Variants in CCND3 observed in about 807,000 individuals in gnomAD.
CCND3 encodes the protein G1/S-specific cyclin-D3.
A neutral mutation model predicts 28.7 loss-of-function variants in CCND3; 9 were observed. The ratio of observed to expected loss-of-function variants is 0.31; its 90% CI spans 0.19 to 0.55. The LOEUF is 0.55. CCND3 is among the 20% of genes least tolerant of loss of function. The pLI, the probability that CCND3 is intolerant of heterozygous loss-of-function variation, is 0.93. For missense variants in CCND3, 315 were observed against 385.8 expected, an observed-to-expected ratio of 0.82 and a Z score of 1.54; for synonymous variants, 164 against 163.9, an observed-to-expected ratio of 1.00 and a Z score of 0.00.
intron 1 of CCND3, among the ~76,000 whole-genome samples, chr6:41,976,671 T>G (rs1391545702): frequency 6.6e-6 from 1 of 152,174 alleles, no homozygotes; most frequent in Non-Finnish European, 1.5e-5. Context: ...TCAGTCACTG[T>G]GGCTTTTAGA....
rs920624250 is a variant in CCND3, at chr6:41,938,483, C to T, written c.415-1089G>A. On this transcript the variant is annotated intron_variant, in intron 2 of 4. Coordinates refer to ENST00000372991, the MANE Select transcript of CCND3 (RefSeq NM_001760.5). The surrounding 1 kb of genome is among the most constrained non-coding windows in gnomAD (Gnocchi z 4.6). ...CAGAAGTGAGACAGATAAATTACAACGCTACCCCTAGTGCATGTCCCAGGA... is the reference window on the plus strand; with the variant it reads ...CAGAAGTGAGACAGATAAATTACAATGCTACCCCTAGTGCATGTCCCAGGA... Among the ~76,000 whole-genome samples, 1 of 152,122 alleles carries T rather than the reference C, an allele frequency of 6.6e-6. No individual in the cohort carries two copies. The highest frequency in any genetic ancestry group is 6.6e-5 in the Admixed American group (1 of 15,256).
intron 1 of CCND3, among the ~76,000 whole-genome samples, chr6:41,963,032 T>TG (rs548480574): frequency 8.9e-4 from 135 of 152,350 alleles, no homozygotes; most frequent in African/African-American, 3.2e-3. Context: ...ATTACAGGCA[T>TG]GAGCCACCAC....
At position 41,941,624 on chromosome 6, in the gene CCND3, G is replaced by C; in HGVS notation, c.26C>G (p.Thr9Ser). 1 of 1,515,228 alleles carries C rather than the reference G, an allele frequency of 6.6e-7. No individual in the cohort carries two copies. The highest frequency in any genetic ancestry group is 8.9e-7 in the Non-Finnish European group (1 of 1,129,868). The allele number at this position is 1,515,228 out of a possible 1,614,324, so 93.9% of individuals were successfully genotyped here. A position where few individuals can be genotyped will look rare whatever the true frequency, so the allele number is the denominator to read the frequency against. MELLCCEG[T>S]RHAPRAGPDP... ...CGGCCCGGCCCGGGGCGCGTGCCGG[G>C]TGCCTTCGCAACACAGCAGCTCCAT... Residue 9 changes from threonine (T) to serine (S), a missense_variant, in exon 1 of 5, where the codon ACC (threonine) becomes AGC (serine). Coordinates refer to ENST00000372991, the MANE Select transcript of CCND3 (RefSeq NM_001760.5). This position sits in a 1 kb window ranked among gnomAD's most constrained non-coding sequence, Gnocchi z 6.1.
At chr6:42,030,796 C>A (rs1764020382) in intron 1 of CCND3, among the ~76,000 whole-genome samples, 1 of 152,192 alleles carries the variant, frequency 6.6e-6, no homozygotes, top group South Asian at 2.1e-4. Flanking sequence ...TCCTTCCAGA[C>A]AGCTGGAGAG....
chr6:41,956,676 T>A (rs1776444236), intron 1 of CCND3, among the ~76,000 whole-genome samples: 1 of 152,202 alleles, frequency 6.6e-6, no homozygotes, highest in African/African-American at 2.4e-5. Context: ...ATATTCTGCC[T>A]TAGAAACCTA....
At chr6:42,044,275 C>T (rs1764460562) in intron 1 of CCND3, among the ~76,000 whole-genome samples, 1 of 152,238 alleles carries the variant, frequency 6.6e-6, no homozygotes, top group South Asian at 2.1e-4. Flanking sequence ...GGTGTGTAAA[C>T]AGCTGGTGAT....
chr6:41,959,686 G>C (rs1174501433), intron 1 of CCND3, among the ~76,000 whole-genome samples: 1 of 124,042 alleles, frequency 8.1e-6, no homozygotes, highest in Admixed American at 7.8e-5. Flanking sequence ...GACTAAATCA[G>C]GCCAGGCGCG....
chr6:41,936,554 C>G lies in CCND3; in HGVS notation c.711+5G>C. 2.5e-6 allele frequency: 4 copies of G among 1,614,120 alleles called. No individual in the cohort carries two copies. Among genetic ancestry groups the G allele is most frequent in the Non-Finnish European group, 3.4e-6 (4 of 1,180,004 alleles). The stretch of plus-strand genomic sequence containing the variant: ...GAGGCTGCTGCCCAGCTACCCAGCA[C>G]TCACCACTTCAGTGCCAGTGATCCC... On this transcript the variant is annotated splice_donor_5th_base_variant and intron_variant, in intron 4 of 4. Transcript: ENST00000372991. This position sits in a 1 kb window ranked among gnomAD's most constrained non-coding sequence, Gnocchi z 4.4.
At chr6:42,019,518 A>C (rs1763637609) in intron 1 of CCND3, among the ~76,000 whole-genome samples, 1 of 151,568 alleles carries the variant, frequency 6.6e-6, no homozygotes. Context: ...AGGAAAGGAA[A>C]TATAACACCA....
At chr6:41,948,676 A>G (rs1776230195) in intron 1 of CCND3, among the ~76,000 whole-genome samples, 1 of 151,832 alleles carries the variant, frequency 6.6e-6, no homozygotes, top group South Asian at 2.1e-4. Context: ...GTCTCTAGTA[A>G]AAAATACAAA....
intron 1 of CCND3, among the ~76,000 whole-genome samples, chr6:42,020,447 G>C (rs1274149886): frequency 1.3e-5 from 2 of 152,136 alleles, no homozygotes; most frequent in Non-Finnish European, 2.9e-5. Context: ...GTCCCCGGAA[G>C]GACTCTGTAT....
At chr6:41,945,391 T>C (rs1192795537), upstream of CCND3, among the ~76,000 whole-genome samples, 6 of 152,170 alleles carry the variant, frequency 3.9e-5, no homozygotes, top group Non-Finnish European at 7.3e-5. Flanking sequence ...GGTGGATGCC[T>C]GTAATCCCAG....
chr6:41,980,009 AT>A (rs1762295269), intron 1 of CCND3, among the ~76,000 whole-genome samples: 1 of 4,500 alleles, frequency 2.2e-4, no homozygotes, highest in South Asian at 9.8e-3. Flanking sequence ...TGCTTTCAAA[AT>A]CACACACACA....
At chr6:42,040,014 G>C (rs1764323103) in intron 1 of CCND3, among the ~76,000 whole-genome samples, 1 of 152,222 alleles carries the variant, frequency 6.6e-6, no homozygotes, top group South Asian at 2.1e-4. Flanking sequence ...TACTAGTCCT[G>C]AGACTGTGTA....
intron 1 of CCND3, among the ~76,000 whole-genome samples, chr6:42,024,977 G>A (rs1001076079): frequency 6.6e-6 from 1 of 152,160 alleles, no homozygotes; most frequent in African/African-American, 2.4e-5. Context: ...AGAATCGCTC[G>A]AACCCAGGAG....
intron 1 of CCND3, among the ~76,000 whole-genome samples, chr6:41,979,055 G>A (rs950043204): frequency 2.7e-5 from 4 of 149,806 alleles, no homozygotes; most frequent in Non-Finnish European, 4.5e-5. Context: ...CCTGTAATCC[G>A]AGCTACTTGG....
chr6:42,002,404 C>T (rs1184527805), intron 1 of CCND3, among the ~76,000 whole-genome samples: 2 of 146,252 alleles, frequency 1.4e-5, no homozygotes, highest in East Asian at 4.1e-4. Flanking sequence ...TGTGCCACTG[C>T]ACTCCAGCCT....
intron 1 of CCND3, among the ~76,000 whole-genome samples, chr6:42,042,924 G>A (rs775955030): frequency 1.3e-5 from 2 of 152,196 alleles, no homozygotes; most frequent in South Asian, 2.1e-4. Flanking sequence ...AAGTGGGGTC[G>A]TTTGTCTGTA....
At chr6:41,959,739 C>T (rs1169173533) in intron 1 of CCND3, among the ~76,000 whole-genome samples, 1 of 151,522 alleles carries the variant, frequency 6.6e-6, no homozygotes, top group South Asian at 2.1e-4. Flanking sequence ...AGCCTGACCA[C>T]GAGGTCAGGA....
Sources: allele counts gnomAD v4.1 joint callset (sites outside exome capture counted in the v4.1 genomes callset), GRCh38; gene constraint gnomAD v4.1.1; non-coding constraint Gnocchi (gnomAD v3.1); transcripts MANE v1.5; gene names NCBI Gene and HGNC (gene_info 2026-07-23, HGNC 2026-07-21).